The following ZNF385B variants were observed in gnomAD, a reference collection of about 807,000 sequenced individuals.
ZNF385B encodes the protein zinc finger protein 533.
ZNF385B carries 23 observed loss-of-function variants against 39.2 expected under a neutral mutation model. The ratio of observed to expected loss-of-function variants is 0.59; its 90% CI spans 0.42 to 0.83. The LOEUF (loss-of-function observed/expected upper bound fraction) is 0.83. ZNF385B is among the 40% of genes least tolerant of loss of function. The pLI is 0.00. For missense variants in ZNF385B, 552 were observed against 598.9 expected (o/e 0.92, Z 0.82); for synonymous variants, 205 against 222.6 (o/e 0.92, Z 0.70).
In ZNF385B at chr2:179,800,184, C is replaced by T. The variant is rs915402613; in HGVS notation, c.-154-29512G>A. On this transcript the variant is annotated intron_variant, in intron 1 of 9. Transcript: ENST00000410066. ...AATCTAAGTTGGAAATAAAATGTATCTATATTTTATATTAAGGGAAAATAA... is the reference window on the plus strand; with the variant it reads ...AATCTAAGTTGGAAATAAAATGTATTTATATTTTATATTAAGGGAAAATAA... Among the ~76,000 whole-genome samples the T allele has an allele frequency of 7.9e-5, 12 of 151,984 alleles. No individual in the cohort carries two copies. The South Asian group carries it at 2.3e-3, about 29-fold the overall frequency.
intron 4 of ZNF385B, among the ~76,000 whole-genome samples, chr2:179,537,750 CA>C (rs2059666293): frequency 7.6e-6 from 1 of 131,844 alleles, no homozygotes; most frequent in African/African-American, 3.3e-5. Context: ...CAAAAACAAA[CA>C]AACAAACAAA....
At chr2:179,817,097 A>G (rs1707115550) in intron 1 of ZNF385B, among the ~76,000 whole-genome samples, 1 of 152,208 alleles carries the variant, frequency 6.6e-6, no homozygotes, top group Non-Finnish European at 1.5e-5. Flanking sequence ...ATATATTCAC[A>G]AACAGAAAGC....
chr2:179,467,451 G>C (rs1214926679), intron 6 of ZNF385B, among the ~76,000 whole-genome samples: 1 of 152,180 alleles, frequency 6.6e-6, no homozygotes, highest in African/African-American at 2.4e-5. Context: ...CCATTTTGTA[G>C]AAGTGGAAAA....
At chr2:179,524,780 G>A (rs1004099367) in intron 4 of ZNF385B, among the ~76,000 whole-genome samples, 1 of 152,164 alleles carries the variant, frequency 6.6e-6, no homozygotes, top group Non-Finnish European at 1.5e-5. Flanking sequence ...AAAACAATGA[G>A]GCATGAGAGG....
chr2:179,615,109 C>T (rs1363918598), intron 3 of ZNF385B, among the ~76,000 whole-genome samples: 1 of 152,200 alleles, frequency 6.6e-6, no homozygotes, highest in Non-Finnish European at 1.5e-5. Context: ...TTTCTTGTTA[C>T]ACTTTTACTG....
At chr2:179,489,752 G>A (rs1384565091) in intron 5 of ZNF385B, among the ~76,000 whole-genome samples, 1 of 152,190 alleles carries the variant, frequency 6.6e-6, no homozygotes, top group African/African-American at 2.4e-5. Context: ...AAGGTTGCTA[G>A]TAAGTTTTTC....
intron 3 of ZNF385B, among the ~76,000 whole-genome samples, chr2:179,689,002 T>C (rs949002389): frequency 6.6e-6 from 1 of 152,210 alleles, no homozygotes; most frequent in Admixed American, 6.5e-5. Context: ...CCTGGGCTTT[T>C]GGTGATGAGC....
intron 6 of ZNF385B, among the ~76,000 whole-genome samples, chr2:179,449,968 C>T (rs1022917173): frequency 6.6e-6 from 1 of 152,092 alleles, no homozygotes; most frequent in African/African-American, 2.4e-5. Flanking sequence ...ACCATCTGAT[C>T]TTTGACAAAC....
intron 3 of ZNF385B, among the ~76,000 whole-genome samples, chr2:179,575,551 G>A (rs191557786): frequency 6.6e-6 from 1 of 152,116 alleles, no homozygotes; most frequent in East Asian, 1.9e-4. Context: ...TCCTTTCCTT[G>A]GAAAGCTTTT....
At chr2:179,754,549 A>T (rs1702888582) in intron 3 of ZNF385B, among the ~76,000 whole-genome samples, 1 of 152,106 alleles carries the variant, frequency 6.6e-6, no homozygotes, top group Non-Finnish European at 1.5e-5. Context: ...TTGGCTGTAA[A>T]TCCATCTGTC....
intron 6 of ZNF385B, among the ~76,000 whole-genome samples, chr2:179,450,586 A>T (rs905930853): frequency 6.6e-6 from 1 of 152,194 alleles, no homozygotes. Context: ...CGATCATTAA[A>T]AAGTCAGGAA....
intron 4 of ZNF385B, among the ~76,000 whole-genome samples, chr2:179,536,794 C>A (rs570503058): frequency 1.3e-5 from 2 of 151,934 alleles, no homozygotes; most frequent in African/African-American, 4.8e-5. Context: ...TACTAGATGC[C>A]CTGAAAAAGC....
intron 3 of ZNF385B, among the ~76,000 whole-genome samples, chr2:179,691,250 A>G (rs182347049): frequency 6.6e-6 from 1 of 152,302 alleles, no homozygotes; most frequent in East Asian, 1.9e-4. Context: ...AACGAACTCA[A>G]AAGTTCATTT....
chr2:179,772,231 A>G (rs544272185), intron 1 of ZNF385B, among the ~76,000 whole-genome samples: 1 of 152,198 alleles, frequency 6.6e-6, no homozygotes, highest in Non-Finnish European at 1.5e-5. Flanking sequence ...TCTTCCATAA[A>G]AAATAAATGG....
intron 5 of ZNF385B, among the ~76,000 whole-genome samples, chr2:179,486,925 A>G (rs1233756959): frequency 6.6e-6 from 1 of 152,126 alleles, no homozygotes; most frequent in Non-Finnish European, 1.5e-5. Flanking sequence ...CAAAAAAAAC[A>G]AAAAACAAAA....
chr2:179,577,219 A>G (rs1685934859), intron 3 of ZNF385B, among the ~76,000 whole-genome samples: 1 of 152,164 alleles, frequency 6.6e-6, no homozygotes, highest in Non-Finnish European at 1.5e-5. Flanking sequence ...CAGGTGGACT[A>G]AAGGGATCTT....
chr2:179,857,163 G>A (rs369783365), intron 1 of ZNF385B, among the ~76,000 whole-genome samples: 30 of 152,250 alleles, frequency 2.0e-4, no homozygotes, highest in African/African-American at 7.0e-4. Flanking sequence ...ACCATGTTGA[G>A]GTGTTAATAA....
At chr2:179,530,304 A>G (rs771938005) in intron 4 of ZNF385B, among the ~76,000 whole-genome samples, 4 of 152,200 alleles carry the variant, frequency 2.6e-5, no homozygotes, top group Non-Finnish European at 5.9e-5. Flanking sequence ...GAGAGGAAAA[A>G]AAGTATACGA....
intron 3 of ZNF385B, among the ~76,000 whole-genome samples, chr2:179,757,744 C>A (rs1006232098): frequency 6.6e-6 from 1 of 152,166 alleles, no homozygotes; most frequent in Admixed American, 6.5e-5. Flanking sequence ...GCTCCGTGGG[C>A]GTGGGACCCT....
Sources: gnomAD v4.1 joint callset for allele counts (sites outside exome capture counted in the v4.1 genomes callset) on GRCh38, gnomAD v4.1.1 for gene constraint, MANE v1.5 for transcripts, NCBI Gene and HGNC (gene_info 2026-07-23, HGNC 2026-07-21) for gene names.